The following SLC15A5 variants were observed in gnomAD, a reference collection of about 807,000 sequenced individuals.
SLC15A5 encodes the protein Peptide/histidine transporter ENSP00000340402.
SLC15A5 carries 58 observed loss-of-function variants against 56.1 expected under a neutral mutation model. That is an observed-to-expected ratio of 1.03 (90% confidence interval 0.84 to 1.29). The LOEUF (loss-of-function observed/expected upper bound fraction) is 1.29, where lower values mean the gene tolerates loss of function less well. SLC15A5 is among the 50% of genes most tolerant of loss of function. SLC15A5 has a pLI of 0.00. For synonymous variants in SLC15A5, 264 were observed against 250.5 expected (o/e 1.05, Z -0.51); for missense variants, 681 against 672.1 (o/e 1.01, Z -0.15).
chr12:16,233,863 A>T (rs1479482796), intron 5 of SLC15A5, among the ~76,000 whole-genome samples: 3 of 152,184 alleles, frequency 2.0e-5, no homozygotes, highest in Non-Finnish European at 4.4e-5. Flanking sequence ...TATACAAATT[A>T]AACTATGAGA....
In SLC15A5 at chr12:16,237,390, A is replaced by G. The variant is rs1864362246; in HGVS notation, c.1162+2291T>C. Among the ~76,000 whole-genome samples the G allele has an allele frequency of 6.6e-6, 1 of 152,204 alleles. No individual in the cohort carries two copies. The highest frequency in any genetic ancestry group is 6.5e-5 in the Admixed American group (1 of 15,276). ...TGGAGTGGGGTTCAGAAACAACTGAAATCAGTATTCTGTACCCAGTGGAAC... is the reference window on the plus strand; with the variant it reads ...TGGAGTGGGGTTCAGAAACAACTGAGATCAGTATTCTGTACCCAGTGGAAC... On this transcript the variant is annotated intron_variant, in intron 5 of 8. Transcript: ENST00000344941. This position sits in a 1 kb window ranked among gnomAD's most constrained non-coding sequence, Gnocchi z 4.1.
intron 7 of SLC15A5, among the ~76,000 whole-genome samples, chr12:16,207,622 C>A (rs1864033505): frequency 6.6e-6 from 1 of 151,984 alleles, no homozygotes; most frequent in African/African-American, 2.4e-5. Flanking sequence ...TCAACTGGGG[C>A]CTTCAACACC....
At chr12:16,241,123 T>C (rs1033171575) in intron 4 of SLC15A5, among the ~76,000 whole-genome samples, 1 of 152,138 alleles carries the variant, frequency 6.6e-6, no homozygotes, top group African/African-American at 2.4e-5. Context: ...CATCATGATC[T>C]TTAGTAGCGC....
intron 2 of SLC15A5, among the ~76,000 whole-genome samples, chr12:16,263,670 T>A (rs2136814720): frequency 6.6e-6 from 1 of 152,288 alleles, no homozygotes; most frequent in Middle Eastern, 3.4e-3. Context: ...AATGGTTTTG[T>A]GGGCCAGGCC....
intron 4 of SLC15A5, among the ~76,000 whole-genome samples, chr12:16,241,066 G>A (rs1864410176): frequency 6.6e-6 from 1 of 152,132 alleles, no homozygotes; most frequent in African/African-American, 2.4e-5. Context: ...GCCTGCCTCA[G>A]CCTCTCAAAG....
chr12:16,255,696 C>T (rs1864564869), intron 3 of SLC15A5, among the ~76,000 whole-genome samples: 1 of 151,642 alleles, frequency 6.6e-6, no homozygotes, highest in Admixed American at 6.6e-5. Context: ...AAAAAAAAAC[C>T]CAAATGTCTA....
Position 16,189,959 on chromosome 12 carries a change from T to C in SLC15A5, c.1593-144A>G, listed in dbSNP as rs1863825318. Reference sequence around the variant, plus strand: ...AGTGACGATTATTTAAGAGCACTGCTCACCAAAACAGCCTTTTTAAAAGGA... The same window carrying C: ...AGTGACGATTATTTAAGAGCACTGCCCACCAAAACAGCCTTTTTAAAAGGA... On this transcript the variant is annotated intron_variant, in intron 8 of 8. Transcript: ENST00000344941. The C allele has an allele frequency of 6.8e-6, 4 of 585,312 alleles. No individual in the cohort carries two copies. In the East Asian group the frequency reaches 1.2e-4, roughly 18 times the overall value. 36.3% of individuals were successfully genotyped at this position (585,312 alleles called of 1,614,324 possible).
rs1380171087 is a variant in SLC15A5 at position 16,267,660 on chromosome 12, G to A, written c.584+4901C>T. ...CTTTAACCTGTTTCATTCCCTTTCT[G>A]TCCTTTCCCATTCCCTCTCCCTCCT... is the stretch of plus-strand genomic sequence containing the variant. On this transcript the variant is annotated intron_variant, in intron 2 of 8. Coordinates refer to ENST00000344941, the MANE Select transcript of SLC15A5 (RefSeq NM_001170798.1). Among the ~76,000 whole-genome samples, 3 of 104,562 alleles carry A rather than the reference G, an allele frequency of 2.9e-5. 1 individual carries two copies. Among genetic ancestry groups the A allele is most frequent in the Non-Finnish European group, 5.9e-5 (3 of 50,962 alleles). 68.6% of individuals were successfully genotyped at this position (104,562 alleles called of 152,430 possible).
At chr12:16,192,757 G>A (rs754326370) in intron 8 of SLC15A5, among the ~76,000 whole-genome samples, 2 of 152,038 alleles carry the variant, frequency 1.3e-5, no homozygotes, top group Non-Finnish European at 2.9e-5. Flanking sequence ...GTAAGTCTAG[G>A]AGAAGAATAA....
chr12:16,231,803 T>G (rs1168780308), intron 5 of SLC15A5, among the ~76,000 whole-genome samples: 1 of 152,240 alleles, frequency 6.6e-6, no homozygotes, highest in Non-Finnish European at 1.5e-5. Context: ...CATCCTCCAT[T>G]CCTATCTGCA....
intron 3 of SLC15A5, among the ~76,000 whole-genome samples, chr12:16,254,878 A>G (rs1159989570): frequency 6.6e-6 from 1 of 152,176 alleles, no homozygotes; most frequent in East Asian, 1.9e-4. Flanking sequence ...TTATTAAGTG[A>G]CACAAAATTA....
chr12:16,216,417 C>A (rs1218768750), intron 7 of SLC15A5, among the ~76,000 whole-genome samples: 2 of 152,060 alleles, frequency 1.3e-5, no homozygotes, highest in African/African-American at 4.8e-5. Flanking sequence ...TTCTCCTGAC[C>A]AAAATCTCTA....
At chr12:16,229,647 TAC>T (rs71438372) in intron 5 of SLC15A5, among the ~76,000 whole-genome samples, 26,838 of 144,206 alleles carry the variant, frequency 0.19, 2,498 homozygotes, top group Middle Eastern at 0.22. Flanking sequence ...CACACACACA[TAC>T]ACACACACAC....
At chr12:16,254,208 G>C (rs538581878) in intron 3 of SLC15A5, among the ~76,000 whole-genome samples, 1 of 151,678 alleles carries the variant, frequency 6.6e-6, no homozygotes, top group Non-Finnish European at 1.5e-5. Flanking sequence ...AGTCTTAAAA[G>C]GACAAAGACC....
chr12:16,229,647 T>TACACAC (rs71438372), intron 5 of SLC15A5, among the ~76,000 whole-genome samples: 13,386 of 144,238 alleles, frequency 0.093, 691 homozygotes, highest in South Asian at 0.2. Context: ...CACACACACA[T>TACACAC]ACACACACAC....
At chr12:16,226,165 C>T (rs1421294764) in intron 5 of SLC15A5, among the ~76,000 whole-genome samples, 1 of 152,204 alleles carries the variant, frequency 6.6e-6, no homozygotes, top group African/African-American at 2.4e-5. Context: ...ACCTATGCTC[C>T]TCTTCCTCTA....
chr12:16,238,454 C>T (rs1401819597), intron 5 of SLC15A5, among the ~76,000 whole-genome samples: 1 of 151,608 alleles, frequency 6.6e-6, no homozygotes, highest in Non-Finnish European at 1.5e-5. Context: ...AGTGAAACCC[C>T]GTCTCTACTA....
chr12:16,248,457 T>G (rs1216739120), intron 3 of SLC15A5, among the ~76,000 whole-genome samples: 1 of 151,962 alleles, frequency 6.6e-6, no homozygotes, highest in Admixed American at 6.6e-5. Context: ...ATGTGCTAGA[T>G]GGGTTGTAAG....
intron 4 of SLC15A5, among the ~76,000 whole-genome samples, chr12:16,242,278 C>T (rs1175778265): frequency 6.6e-6 from 1 of 150,646 alleles, no homozygotes; most frequent in Admixed American, 6.6e-5. Flanking sequence ...TCCTCTGCCT[C>T]CCTGGTGAAG....
Sources: gnomAD v4.1 joint callset for allele counts (sites outside exome capture counted in the v4.1 genomes callset) on GRCh38, gnomAD v4.1.1 for gene constraint, Gnocchi (gnomAD v3.1) non-coding constraint, MANE v1.5 for transcripts, NCBI Gene and HGNC (gene_info 2026-07-23, HGNC 2026-07-21) for gene names.